The following CA10 variants were observed in gnomAD, a reference collection of about 807,000 sequenced individuals.
CA10 encodes the protein carbonic anhydrase 10 (inactive), also known as carbonic anhydrase-related protein 10.
A neutral mutation model predicts 44.2 loss-of-function variants in CA10; 14 were observed. The ratio of observed to expected loss-of-function variants is 0.32; its 90% CI spans 0.21 to 0.50. The LOEUF is 0.50. Ranked by LOEUF, CA10 falls within the 20% of genes least tolerant of loss-of-function variation. The pLI, the probability that CA10 is intolerant of heterozygous loss-of-function variation, is 0.99. For synonymous variants in CA10, 159 were observed against 141.6 expected (o/e 1.12, Z -0.87); for missense variants, 350 against 409.7 (o/e 0.85, Z 1.26).
chr17:51,886,466 G>T (rs1980606212), intron 3 of CA10, among the ~76,000 whole-genome samples: 1 of 152,158 alleles, frequency 6.6e-6, no homozygotes, highest in African/African-American at 2.4e-5. Flanking sequence ...TTGCAGTAGT[G>T]TACTAGAATT....
At chr17:52,056,805 G>T (rs1483124119) in intron 2 of CA10, among the ~76,000 whole-genome samples, 1 of 152,000 alleles carries the variant, frequency 6.6e-6, no homozygotes, top group African/African-American at 2.4e-5. Flanking sequence ...TAACTAAACT[G>T]CTCTTCAGTA....
chr17:51,737,795 T>C (rs1302441651), intron 4 of CA10, among the ~76,000 whole-genome samples: 2 of 152,124 alleles, frequency 1.3e-5, no homozygotes, highest in Non-Finnish European at 1.5e-5. Context: ...AGCCAACCAT[T>C]GCTCTTGGAG....
intron 2 of CA10, among the ~76,000 whole-genome samples, chr17:51,934,736 C>T (rs1427687358): frequency 6.6e-6 from 1 of 152,078 alleles, no homozygotes; most frequent in Non-Finnish European, 1.5e-5. Flanking sequence ...AGGGATAGTT[C>T]CTGGGGTCAG....
intron 3 of CA10, among the ~76,000 whole-genome samples, chr17:51,748,807 T>C (rs367605275): frequency 1.3e-5 from 2 of 152,244 alleles, no homozygotes; most frequent in African/African-American, 4.8e-5. Flanking sequence ...GATGTGGTTT[T>C]CATATATGTG....
intron 2 of CA10, among the ~76,000 whole-genome samples, chr17:52,045,091 C>T (rs2144198594): frequency 6.6e-6 from 1 of 151,734 alleles, no homozygotes; most frequent in Admixed American, 6.5e-5. Context: ...ATATTACATA[C>T]AGAGATACAA....
At chr17:52,005,190 A>T (rs1164408320) in intron 2 of CA10, among the ~76,000 whole-genome samples, 1 of 151,954 alleles carries the variant, frequency 6.6e-6, no homozygotes, top group Non-Finnish European at 1.5e-5. Flanking sequence ...ACCCTTTAGG[A>T]CCTTAATGAT....
At chr17:51,916,156 CA>C (rs1981990892) in intron 3 of CA10, among the ~76,000 whole-genome samples, 1 of 152,038 alleles carries the variant, frequency 6.6e-6, no homozygotes, top group Non-Finnish European at 1.5e-5. Context: ...TGTCATTGGC[CA>C]GAAGCTGGTT....
At chr17:52,017,559 T>A (rs1383009949) in intron 2 of CA10, among the ~76,000 whole-genome samples, 3 of 152,092 alleles carry the variant, frequency 2.0e-5, no homozygotes, top group Non-Finnish European at 4.4e-5. Flanking sequence ...AGCAGTAGTA[T>A]TGAAGATGTG....
chr17:51,861,114 A>T lies in CA10; in HGVS notation c.279+69876T>A, dbSNP rs974606497. ...TAGCAACCTGCGTTTCTGCTTTGCCAGCTGATCCTTGTTAGGTTCTGCCAG... is the reference window on the plus strand; with the variant it reads ...TAGCAACCTGCGTTTCTGCTTTGCCTGCTGATCCTTGTTAGGTTCTGCCAG... On this transcript the variant is annotated intron_variant, in intron 3 of 8. Coordinates refer to ENST00000451037, the MANE Select transcript of CA10 (RefSeq NM_020178.5). Among the ~76,000 whole-genome samples, 9 of 152,290 alleles carry T rather than the reference A, an allele frequency of 5.9e-5. No homozygotes were observed. In the East Asian group the frequency reaches 1.7e-3, roughly 29 times the overall value.
At chr17:51,920,615 T>C (rs903304674) in intron 3 of CA10, among the ~76,000 whole-genome samples, 2 of 152,146 alleles carry the variant, frequency 1.3e-5, no homozygotes, top group African/African-American at 4.8e-5. Context: ...TGACTCTGCA[T>C]TGATTTTCTG....
intron 2 of CA10, among the ~76,000 whole-genome samples, chr17:52,008,152 T>A (rs2144130286): frequency 6.6e-6 from 1 of 151,926 alleles, no homozygotes; most frequent in Middle Eastern, 3.4e-3. Flanking sequence ...ATTGATCATC[T>A]CTTCTTTGTT....
chr17:51,641,807 T>G (rs1013930853), intron 6 of CA10, among the ~76,000 whole-genome samples: 6 of 152,156 alleles, frequency 3.9e-5, no homozygotes, highest in African/African-American at 1.2e-4. Flanking sequence ...CAGTCTGCAT[T>G]TAACAGGCAG....
intron 1 of CA10, among the ~76,000 whole-genome samples, chr17:52,141,936 G>A (rs548719858): frequency 3.1e-4 from 47 of 152,280 alleles, no homozygotes; most frequent in South Asian, 6.2e-4. Context: ...AAGTAGAAAG[G>A]CAGCCAGTGG....
chr17:51,887,875 A>T (rs77366899), intron 3 of CA10, among the ~76,000 whole-genome samples: 16,580 of 151,004 alleles, frequency 0.11, 1,208 homozygotes, highest in African/African-American at 0.22. Flanking sequence ...AAAGAAAAAA[A>T]ATTAGTCGGG....
intron 1 of CA10, among the ~76,000 whole-genome samples, chr17:52,103,225 C>T (rs1046421604): frequency 8.5e-5 from 13 of 152,130 alleles, no homozygotes; most frequent in African/African-American, 1.4e-4. Context: ...CACTATTTAG[C>T]GCAGGAGGAT....
intron 3 of CA10, among the ~76,000 whole-genome samples, chr17:51,836,922 T>C (rs2143796681): frequency 6.6e-6 from 1 of 152,220 alleles, no homozygotes; most frequent in East Asian, 1.9e-4. Context: ...ACTTACCTCT[T>C]TCCATTGGAA....
chr17:51,741,572 G>T (rs188978435), intron 4 of CA10, among the ~76,000 whole-genome samples: 101 of 152,284 alleles, frequency 6.6e-4, no homozygotes, highest in African/African-American at 2.3e-3. Flanking sequence ...ATGCCTATAA[G>T]ATTTTTGTTC....
chr17:51,867,862 G>A (rs549292875), intron 3 of CA10, among the ~76,000 whole-genome samples: 2 of 152,286 alleles, frequency 1.3e-5, no homozygotes, highest in East Asian at 3.9e-4. Flanking sequence ...AATGGGAAAT[G>A]TAAAAAGAAA....
intron 3 of CA10, among the ~76,000 whole-genome samples, chr17:51,867,230 T>G (rs1421043039): frequency 6.6e-6 from 1 of 152,216 alleles, no homozygotes; most frequent in Non-Finnish European, 1.5e-5. Flanking sequence ...AGTAAGATGC[T>G]TTCTGCTCCT....
Sources: allele counts gnomAD v4.1 joint callset (sites outside exome capture counted in the v4.1 genomes callset), GRCh38; gene constraint gnomAD v4.1.1; transcripts MANE v1.5; gene names NCBI Gene and HGNC (gene_info 2026-07-23, HGNC 2026-07-21).